TBC1D14: variants seen among roughly 807,000 people sequenced by gnomAD.
TBC1D14 encodes TBC1 domain family member 14.
A neutral mutation model predicts 79.0 loss-of-function variants in TBC1D14; 26 were observed. The observed-to-expected ratio is 0.33, with a 90% CI of 0.24 to 0.46. TBC1D14 has a LOEUF of 0.46. Ranked by LOEUF, TBC1D14 falls within the 20% of genes least tolerant of loss-of-function variation. TBC1D14 has a pLI of 1.00. For synonymous variants in TBC1D14, 394 were observed against 349.9 expected (o/e 1.13, Z -1.40); for missense variants, 769 against 887.6 (o/e 0.87, Z 1.70).
At chr4:6,994,352 C>A in intron 4 of TBC1D14, 50 bp downstream of exon 4, 2 of 1,536,408 alleles carry the variant, frequency 1.3e-6, no homozygotes, top group Non-Finnish European at 1.8e-6. Flanking sequence ...GAAATAAGTA[C>A]AACTTGCTAA....
At chr4:6,975,030 G>C (rs1314206908) in intron 3 of TBC1D14, among the ~76,000 whole-genome samples, 1 of 151,806 alleles carries the variant, frequency 6.6e-6, no homozygotes, top group Non-Finnish European at 1.5e-5. Flanking sequence ...TCCTGCCTCA[G>C]CTTCCCAAGC....
chr4:6,967,482 T>C (rs1285346635), intron 3 of TBC1D14, 58 bp downstream of exon 3: 56 of 1,572,974 alleles, frequency 3.6e-5, no homozygotes, highest in Non-Finnish European at 4.4e-5. Context: ...CATATATTCA[T>C]GAACCTTGCA....
In TBC1D14 at chr4:6,942,936, C is replaced by T. The variant is rs986388879; in HGVS notation, c.722+18825C>T. ...AAGAAATTGAGTGGCAGGCAAAATT[C>T]CTGGGACAAATACATTAATATCTAG... On this transcript the variant is annotated intron_variant, in intron 2 of 13. Transcript: ENST00000409757. Among the ~76,000 whole-genome samples the T allele has an allele frequency of 2.4e-4, 37 of 152,274 alleles. 1 individual carries two copies. The highest frequency in any genetic ancestry group is 3.4e-3 in the Middle Eastern group (1 of 294).
At chr4:7,024,060 C>G (rs1722094004) in intron 12 of TBC1D14, among the ~76,000 whole-genome samples, 1 of 152,208 alleles carries the variant, frequency 6.6e-6, no homozygotes, top group Non-Finnish European at 1.5e-5. Context: ...GTCCTCGGGA[C>G]CTGGAGGACA....
chr4:6,920,522 G>C (rs1023936913), intron 1 of TBC1D14, among the ~76,000 whole-genome samples: 1 of 152,134 alleles, frequency 6.6e-6, no homozygotes, highest in African/African-American at 2.4e-5. Context: ...GAGCGTGCAG[G>C]CTCCTTACAA....
intron 2 of TBC1D14, among the ~76,000 whole-genome samples, chr4:6,939,555 C>T (rs925662795): frequency 6.6e-6 from 1 of 152,134 alleles, no homozygotes; most frequent in African/African-American, 2.4e-5. Flanking sequence ...TGCCCGAGGA[C>T]CCGGTCCTGG....
chr4:6,974,069 C>G (rs1442681095), intron 3 of TBC1D14, among the ~76,000 whole-genome samples: 1 of 152,142 alleles, frequency 6.6e-6, no homozygotes, highest in East Asian at 1.9e-4. Flanking sequence ...GGTGATCCAC[C>G]TGCCTTGGCC....
intron 3 of TBC1D14, among the ~76,000 whole-genome samples, chr4:6,982,106 G>T (rs1181768048): frequency 6.6e-6 from 1 of 152,130 alleles, no homozygotes; most frequent in Non-Finnish European, 1.5e-5. Context: ...CTTAGAATTA[G>T]CCCAGCAATC....
chr4:7,032,977 A>G lies in TBC1D14; in HGVS notation c.*2585A>G, dbSNP rs749272713. 1 of 152,678 alleles carries G rather than the reference A, an allele frequency of 6.5e-6. No individual in the cohort carries two copies. Among genetic ancestry groups the G allele is most frequent in the Non-Finnish European group, 1.5e-5 (1 of 68,046 alleles). The allele number at this position is 152,678 out of a possible 1,614,324, so 9.5% of individuals were successfully genotyped here. ...TTAAATAGTTTGCTGAAAACTCCTG[A>G]TAACACTTGCTACATATCATGTTTT... On this transcript the variant is annotated 3_prime_UTR_variant, in exon 14 of 14. Coordinates refer to ENST00000409757, the MANE Select transcript of TBC1D14 (RefSeq NM_020773.3).
At chr4:6,943,525 A>G (rs1713117855) in intron 2 of TBC1D14, among the ~76,000 whole-genome samples, 1 of 152,218 alleles carries the variant, frequency 6.6e-6, no homozygotes, top group Non-Finnish European at 1.5e-5. Context: ...GCCAGTGCTC[A>G]GAGCCAGTGA....
At chr4:7,021,820 G>A (rs1053365048) in intron 12 of TBC1D14, among the ~76,000 whole-genome samples, 5 of 152,230 alleles carry the variant, frequency 3.3e-5, no homozygotes, top group African/African-American at 1.2e-4. Flanking sequence ...CATGGGAGGA[G>A]TACTGAGCCG....
intron 2 of TBC1D14, among the ~76,000 whole-genome samples, chr4:6,966,059 C>T (rs900783775): frequency 1.3e-5 from 2 of 152,102 alleles, no homozygotes; most frequent in African/African-American, 4.8e-5. Context: ...CCATTAATTT[C>T]TATGTTTGTT....
At chr4:6,912,936 C>G (rs990984013) in intron 1 of TBC1D14, among the ~76,000 whole-genome samples, 1 of 152,184 alleles carries the variant, frequency 6.6e-6, no homozygotes, top group Non-Finnish European at 1.5e-5. Flanking sequence ...GCTGCTGGAA[C>G]CTGCATTATT....
At position 7,001,046 on chromosome 4, in the gene TBC1D14, C is replaced by T. The variant is rs1051245891; in HGVS notation, c.1164-99C>T. 18 of 914,444 alleles carry T rather than the reference C, an allele frequency of 2.0e-5. No homozygotes were observed. The African/African-American group carries it at 2.3e-4, about 12-fold the overall frequency. The allele number at this position is 914,444 out of a possible 1,614,324, so 56.6% of individuals were successfully genotyped here. On this transcript the variant is annotated intron_variant, in intron 6 of 13. Coordinates refer to ENST00000409757, the MANE Select transcript of TBC1D14 (RefSeq NM_020773.3). ...AGGGCAGGGGCTGTGCCTGATGCAA[C>T]GGTGCATCCCAGCTCTTGGTGGTTC...
chr4:6,968,867 G>A (rs780010162), intron 3 of TBC1D14, among the ~76,000 whole-genome samples: 3 of 152,240 alleles, frequency 2.0e-5, no homozygotes, highest in Non-Finnish European at 4.4e-5. Context: ...AGAGAAAGTG[G>A]GGTCTGGCCC....
chr4:6,976,811 T>C (rs1716750489), intron 3 of TBC1D14, among the ~76,000 whole-genome samples: 1 of 152,062 alleles, frequency 6.6e-6, no homozygotes, highest in Admixed American at 6.6e-5. Context: ...AAATATACAA[T>C]AACAATGTGC....
intron 3 of TBC1D14, among the ~76,000 whole-genome samples, chr4:6,978,061 G>A (rs1716954362): frequency 6.6e-6 from 1 of 151,630 alleles, no homozygotes; most frequent in African/African-American, 2.4e-5. Context: ...CCCCGTCTGG[G>A]AGGGAGGTGG....
chr4:6,952,038 TG>T (rs1192910647), intron 2 of TBC1D14, among the ~76,000 whole-genome samples: 1 of 151,948 alleles, frequency 6.6e-6, no homozygotes, highest in East Asian at 1.9e-4. Context: ...CTTTGTGGAG[TG>T]ACTGCTCTGG....
intron 2 of TBC1D14, among the ~76,000 whole-genome samples, chr4:6,957,629 G>A (rs569201628): frequency 6.6e-5 from 10 of 152,340 alleles, no homozygotes; most frequent in Middle Eastern, 3.4e-3. Context: ...TTCCTGGGAA[G>A]AGAATGTGTC....
Sources: allele counts gnomAD v4.1 joint callset (sites outside exome capture counted in the v4.1 genomes callset), GRCh38; gene constraint gnomAD v4.1.1; transcripts MANE v1.5; gene names NCBI Gene and HGNC (gene_info 2026-07-23, HGNC 2026-07-21).